Variants in ARL13A observed in about 807,000 individuals in gnomAD.
The protein encoded by ARL13A is ADP-ribosylation factor-like protein 13A.
ARL13A carries 16 observed loss-of-function variants against 19.1 expected under a neutral mutation model. The observed-to-expected ratio is 0.84, with a 90% CI of 0.57 to 1.27. ARL13A has a LOEUF of 1.27. Among genes scored for constraint, ARL13A ranks in the 50% most tolerant of loss-of-function variants. The probability of loss-of-function intolerance (pLI) is 0.00; values close to 1 mark genes in which losing one functional copy is unlikely to be tolerated. For missense variants in ARL13A, 153 were observed against 186.4 expected (o/e 0.82, Z 1.04); for synonymous variants, 69 against 71.3 (o/e 0.97, Z 0.17).
chrX:100,983,916 A>C (rs1353230896), intron 3 of ARL13A, among the ~76,000 whole-genome samples: 3 of 111,264 alleles, frequency 2.7e-5, no homozygotes, highest in Non-Finnish European at 3.8e-5. Flanking sequence ...ATGCTATGGA[A>C]AATGTCACAT....
intron 3 of ARL13A, among the ~76,000 whole-genome samples, 155 bp downstream of exon 3, chrX:100,974,352 CTCTA>C (rs999300940): frequency 5.5e-5 from 6 of 109,032 alleles, no homozygotes; most frequent in African/African-American, 2.0e-4. Context: ...CACACACATA[CTCTA>C]TCTCTCTCTG....
At position 100,986,836 on chromosome X, in the gene ARL13A, T is replaced by C; in HGVS notation, c.421T>C (p.Cys141Arg). The C allele has an allele frequency of 8.3e-7, 1 of 1,206,603 alleles. No homozygotes were observed. The highest frequency in any genetic ancestry group is 1.1e-6 in the Non-Finnish European group (1 of 892,551). Residue 141 changes from cysteine to arginine, a missense_variant, in exon 5 of 8, where the codon TGT becomes CGT. Physicochemically the swap from Cys to Arg is radical, Grantham distance 180 (BLOSUM62 -3). Coordinates refer to ENST00000450049, the MANE Select transcript of ARL13A (RefSeq NM_001162491.2). ...AGACAAGAAGAAAGCCCTCATGCCTTGTGATATTATTGACTATCTACTTCT... is the reference window on the plus strand; with the variant it reads ...AGACAAGAAGAAAGCCCTCATGCCTCGTGATATTATTGACTATCTACTTCT... The part of the protein sequence containing the change: ...KQDKKKALMP[C>R]DIIDYLLLKK...
intron 1 of ARL13A, 144 bp from the exon 2 acceptor site, chrX:100,973,530 GAC>G: frequency 1.1e-6 from 1 of 937,829 alleles, no homozygotes; most frequent in South Asian, 2.4e-5. Flanking sequence ...GACATTTATA[GAC>G]ACAGTTGGAT....
rs963036299 is a variant in ARL13A, at chrX:100,969,733, C to T, written c.-91C>T. 1 of 112,040 alleles carries T rather than the reference C, an allele frequency of 8.9e-6. No homozygotes were observed. Among genetic ancestry groups the T allele is most frequent in the African/African-American group, 3.2e-5 (1 of 30,868 alleles). 9.2% of individuals were successfully genotyped at this position (112,040 alleles called of 1,213,427 possible). ...GACAAGAAGGCTAGAAAGCTCAATG[C>T]GTCTTCCTATTACTCTGCATATCTT... On this transcript the variant is annotated 5_prime_UTR_variant, in exon 1 of 8. Coordinates refer to ENST00000450049, the MANE Select transcript of ARL13A (RefSeq NM_001162491.2).
intron 1 of ARL13A, among the ~76,000 whole-genome samples, chrX:100,970,681 C>A: frequency 9.6e-6 from 1 of 103,851 alleles, no homozygotes; most frequent in African/African-American, 3.7e-5. Context: ...GTGGGTTTCA[C>A]ATTCACAAAT....
intron 3 of ARL13A, among the ~76,000 whole-genome samples, chrX:100,982,145 CATG>C (rs1462250918): frequency 9.0e-6 from 1 of 110,799 alleles, no homozygotes; most frequent in Non-Finnish European, 1.9e-5. Context: ...TTAAAAAAAT[CATG>C]ATGCTTCAGC....
chrX:100,978,317 T>G (rs1351071594), intron 3 of ARL13A, among the ~76,000 whole-genome samples: 1 of 111,876 alleles, frequency 8.9e-6, no homozygotes, highest in Non-Finnish European at 1.9e-5. Context: ...AAATCTCCAA[T>G]TATTGCTGTA....
chrX:100,980,434 T>G (rs2085835908), intron 3 of ARL13A, among the ~76,000 whole-genome samples: 1 of 110,053 alleles, frequency 9.1e-6, no homozygotes, highest in South Asian at 4.0e-4. Flanking sequence ...CGAGGGCTCT[T>G]TAGTCTGCAG....
chrX:100,974,499 CGT>C (rs1025896698), intron 3 of ARL13A, among the ~76,000 whole-genome samples: 1 of 110,588 alleles, frequency 9.0e-6, no homozygotes, highest in Admixed American at 9.6e-5. Flanking sequence ...GGTCAGTAGG[CGT>C]GAGTTCAAAC....
intron 3 of ARL13A, among the ~76,000 whole-genome samples, chrX:100,979,062 T>G (rs1303808999): frequency 1.8e-5 from 2 of 112,065 alleles, no homozygotes; most frequent in Non-Finnish European, 3.8e-5. Context: ...TGTTTCTATT[T>G]ATATCTTATT....
Position 100,974,133 on chromosome X carries a change from G to A in ARL13A, c.66G>A (p.Val22=). 3.4e-6 allele frequency: 4 copies of A among 1,187,687 alleles called. No homozygotes were observed. Among genetic ancestry groups the A allele is most frequent in the Non-Finnish European group, 4.5e-6 (4 of 881,458 alleles). Residue 22 remains valine, a synonymous_variant, in exon 3 of 8, where the codon GTG becomes GTA. Coordinates refer to ENST00000450049, the MANE Select transcript of ARL13A (RefSeq NM_001162491.2). ...LRTTEETRRN[V]TIPIIGLNNS... is the part of the protein sequence containing the mutation. ...TTTTCTTTTTCATTTCTAGGAATGT[G>A]ACCATCCCTATCATTGGCTTGAACA...
Position 100,990,712 on chromosome X carries a change from G to C in ARL13A, c.*124G>C. 1.4e-6 allele frequency: 1 copy of C among 697,942 alleles called. No homozygotes were observed. Among genetic ancestry groups the C allele is most frequent in the Non-Finnish European group, 2.2e-6 (1 of 463,180 alleles). The allele number at this position is 697,942 out of a possible 1,213,427, so 57.5% of individuals were successfully genotyped here. A position where few individuals can be genotyped will look rare whatever the true frequency, so the allele number is the denominator to read the frequency against. Reference sequence around the variant, plus strand: ...AAAGCTTGTGGACAATAAGTCATGGGTGATCAACCAAAACTGAGCCTTAGA... The same window carrying C: ...AAAGCTTGTGGACAATAAGTCATGGCTGATCAACCAAAACTGAGCCTTAGA... On this transcript the variant is annotated 3_prime_UTR_variant, in exon 8 of 8. Transcript: ENST00000450049.
intron 3 of ARL13A, among the ~76,000 whole-genome samples, chrX:100,976,949 C>T (rs919161020): frequency 1.8e-5 from 2 of 112,473 alleles, no homozygotes; most frequent in Admixed American, 9.4e-5. Flanking sequence ...AGGAAATGCC[C>T]GTCTGTAAGT....
At position 100,972,308 on chromosome X, in the gene ARL13A, G is replaced by A. The variant is rs1418873068; in HGVS notation, c.-14-1368G>A. ...TCCTCACTTCCCAGTAGGGGGGGCC[G>A]GGCAGAGGCGCCCCTCACCTCCCGG... On this transcript the variant is annotated intron_variant, in intron 1 of 7. Coordinates refer to ENST00000450049, the MANE Select transcript of ARL13A (RefSeq NM_001162491.2). Among the ~76,000 whole-genome samples the A allele has an allele frequency of 4.3e-3, 440 of 102,119 alleles. 1 individual carries two copies. Among genetic ancestry groups the A allele is most frequent in the African/African-American group, 0.015 (415 of 28,009 alleles). 88.7% of individuals were successfully genotyped at this position (102,119 alleles called of 115,157 possible). A position where few individuals can be genotyped will look rare whatever the true frequency, so the allele number is the denominator to read the frequency against.
At chrX:100,976,665 T>C (rs1277008775) in intron 3 of ARL13A, among the ~76,000 whole-genome samples, 1 of 112,411 alleles carries the variant, frequency 8.9e-6, no homozygotes, top group Non-Finnish European at 1.9e-5. Context: ...CAAGCTGGAG[T>C]GCAATGGCAC....
chrX:100,983,363 CT>C (rs957058134), intron 3 of ARL13A, among the ~76,000 whole-genome samples: 4 of 107,285 alleles, frequency 3.7e-5, no homozygotes, highest in East Asian at 2.9e-4. Context: ...AACCTATTCA[CT>C]TTTTTTTTTG....
In ARL13A at chrX:100,972,392, C is replaced by G. The variant is rs1278571934; in HGVS notation, c.-14-1284C>G. Among the ~76,000 whole-genome samples, 162 of 97,757 alleles carry G rather than the reference C, an allele frequency of 1.7e-3. 1 individual carries two copies. Among genetic ancestry groups the G allele is most frequent in the African/African-American group, 6.1e-3 (159 of 26,217 alleles). 84.9% of individuals were successfully genotyped at this position (97,757 alleles called of 115,157 possible). A position where few individuals can be genotyped will look rare whatever the true frequency, so the allele number is the denominator to read the frequency against. ...CCAACCTCCCTCCCGGACGGGGCGGCTGGCCGGGCAGAGGGGCTCCTCACT... is the reference window on the plus strand; with the variant it reads ...CCAACCTCCCTCCCGGACGGGGCGGGTGGCCGGGCAGAGGGGCTCCTCACT... On this transcript the variant is annotated intron_variant, in intron 1 of 7. Transcript: ENST00000450049.
chrX:100,972,265 G>T, intron 1 of ARL13A, among the ~76,000 whole-genome samples: 1 of 101,366 alleles, frequency 9.9e-6, no homozygotes, highest in Non-Finnish European at 2.0e-5. Flanking sequence ...AGACGGGGTG[G>T]TGGCCGGGCA....
intron 1 of ARL13A, among the ~76,000 whole-genome samples, chrX:100,972,303 G>C (rs1237236421): frequency 1.2e-4 from 11 of 94,801 alleles, no homozygotes; most frequent in Admixed American, 1.0e-3. Flanking sequence ...CCAGTAGGGG[G>C]GGCCGGGCAG....
Sources: allele counts gnomAD v4.1 joint callset (sites outside exome capture counted in the v4.1 genomes callset), GRCh38; gene constraint gnomAD v4.1.1; transcripts MANE v1.5; gene names NCBI Gene and HGNC (gene_info 2026-07-23, HGNC 2026-07-21).